BCR: variants seen among roughly 807,000 people sequenced by gnomAD.
BCR encodes the protein BCR activator of RhoGEF and GTPase, also known as breakpoint cluster region protein.
BCR carries 58 observed loss-of-function variants against 138.6 expected under a neutral mutation model. That is an observed-to-expected ratio of 0.42 (90% CI 0.34 to 0.52). The LOEUF is 0.52. Among genes scored for constraint, BCR ranks in the 20% least tolerant of loss-of-function variants. The probability of loss-of-function intolerance (pLI) is 0.06; values close to 1 mark genes in which losing one functional copy is unlikely to be tolerated. For synonymous variants in BCR, 786 were observed against 730.1 expected (o/e 1.08, Z -1.23); for missense variants, 1,599 against 1,727.2 (o/e 0.93, Z 1.32).
intron 14 of BCR, among the ~76,000 whole-genome samples, chr22:23,291,813 A>G (rs2073790635): frequency 6.6e-6 from 1 of 152,044 alleles, no homozygotes; most frequent in Non-Finnish European, 1.5e-5. Context: ...ATTCTCCATC[A>G]GTGAGGCTTC....
chr22:23,252,427 C>CTTTTTTTTTTTTTTTTTTTTTTT (rs371986661), intron 1 of BCR, among the ~76,000 whole-genome samples: 2 of 119,496 alleles, frequency 1.7e-5, no homozygotes, highest in African/African-American at 7.0e-5. Flanking sequence ...TTTTTCTTTT[C>CTTTTTTTTTTTTTTTTTTTTTTT]TTTTCTTTTT....
chr22:23,261,586 A>G, intron 4 of BCR, 46 bp downstream of exon 4: 1 of 1,584,530 alleles, frequency 6.3e-7, no homozygotes, highest in Non-Finnish European at 8.6e-7. Context: ...GTGTACCACC[A>G]CGTCCAGCTA....
At chr22:23,290,790 T>C (rs2073777333) in intron 14 of BCR, 1 of 263,370 alleles carries the variant, frequency 3.8e-6, no homozygotes, top group South Asian at 5.5e-5. Context: ...GCAGAGCAGA[T>C]TTGGCTGCTC....
chr22:23,230,299 C>G (rs952438765), intron 1 of BCR, among the ~76,000 whole-genome samples: 1 of 152,172 alleles, frequency 6.6e-6, no homozygotes, highest in East Asian at 1.9e-4. Flanking sequence ...TCCATCTTGC[C>G]TGGAATTGGA....
At chr22:23,292,053 A>G (rs936827324) in intron 14 of BCR, among the ~76,000 whole-genome samples, 2 of 152,094 alleles carry the variant, frequency 1.3e-5, no homozygotes, top group East Asian at 1.9e-4. Flanking sequence ...CGACTTCTCC[A>G]GCACTGAGCT....
At chr22:23,293,098 C>G (rs1261101784) in intron 15 of BCR, among the ~76,000 whole-genome samples, 1 of 152,048 alleles carries the variant, frequency 6.6e-6, no homozygotes, top group African/African-American at 2.4e-5. Flanking sequence ...GTCGCCGTGC[C>G]TTCCTCCACC....
intron 11 of BCR, 30 bp downstream of exon 11, chr22:23,287,308 C>G (rs1308533067): frequency 1.3e-6 from 2 of 1,505,202 alleles, no homozygotes; most frequent in African/African-American, 2.8e-5. Flanking sequence ...GCCCCTCCTG[C>G]TCTCCTGGCC....
At chr22:23,282,741 GT>G (rs1424882482) in intron 8 of BCR, among the ~76,000 whole-genome samples, 3 of 152,230 alleles carry the variant, frequency 2.0e-5, no homozygotes, top group African/African-American at 7.2e-5. Flanking sequence ...GAGACACTGG[GT>G]TTTCACACTC....
At chr22:23,184,666 T>G (rs1333897796) in intron 1 of BCR, among the ~76,000 whole-genome samples, 1 of 152,184 alleles carries the variant, frequency 6.6e-6, no homozygotes, top group Non-Finnish European at 1.5e-5. Flanking sequence ...GAGTTTACAT[T>G]TGGGTTCACT....
intron 1 of BCR, among the ~76,000 whole-genome samples, chr22:23,248,110 G>A (rs2073176110): frequency 6.6e-6 from 1 of 152,170 alleles, no homozygotes; most frequent in African/African-American, 2.4e-5. Context: ...TTGGGAGACT[G>A]AGGCTGGTGG....
At chr22:23,295,222 A>AGG (rs1412794961) in intron 16 of BCR, 67 bp downstream of exon 16, 1 of 1,561,804 alleles carries the variant, frequency 6.4e-7, no homozygotes, top group Non-Finnish European at 8.7e-7. Flanking sequence ...GCCCCTGGGG[A>AGG]CACTGAGATG....
At chr22:23,194,832 T>C (rs1367204840) in intron 1 of BCR, among the ~76,000 whole-genome samples, 1 of 152,052 alleles carries the variant, frequency 6.6e-6, no homozygotes, top group African/African-American at 2.4e-5. Flanking sequence ...TCTCAGCTCT[T>C]CTGGGGGCTG....
intron 4 of BCR, among the ~76,000 whole-genome samples, chr22:23,267,552 G>A (rs2073457585): frequency 1.3e-5 from 2 of 152,192 alleles, no homozygotes; most frequent in South Asian, 2.1e-4. Context: ...ACCAGGAGCC[G>A]TGAATGCCTT....
At chr22:23,221,754 T>C (rs2072827091) in intron 1 of BCR, among the ~76,000 whole-genome samples, 1 of 152,206 alleles carries the variant, frequency 6.6e-6, no homozygotes, top group Admixed American at 6.5e-5. Flanking sequence ...CCCACTTTTC[T>C]TTGTGGGACA....
chr22:23,204,777 C>T (rs2072593055), intron 1 of BCR, among the ~76,000 whole-genome samples: 1 of 152,192 alleles, frequency 6.6e-6, no homozygotes, highest in Non-Finnish European at 1.5e-5. Context: ...AGAGCGTGGG[C>T]AGCGGGAGGC....
At chr22:23,262,963 G>A in intron 4 of BCR, 1 of 1,027,228 alleles carries the variant, frequency 9.7e-7, no homozygotes. Flanking sequence ...GGGGCGAGAG[G>A]CATCATCAAA....
At chr22:23,183,995 A>G (rs751176144) in intron 1 of BCR, among the ~76,000 whole-genome samples, 1 of 152,224 alleles carries the variant, frequency 6.6e-6, no homozygotes, top group Non-Finnish European at 1.5e-5. Context: ...ACTTGGACCC[A>G]CTTTTAGGAC....
chr22:23,198,249 G>A (rs748634349), intron 1 of BCR: 4 of 445,012 alleles, frequency 9.0e-6, no homozygotes, highest in Non-Finnish European at 1.8e-5. Flanking sequence ...CAGGATTAGG[G>A]TCCGAGTGCT....
intron 4 of BCR, chr22:23,263,370 AC>A (rs2073395320): frequency 1.6e-6 from 2 of 1,230,100 alleles, no homozygotes; most frequent in Middle Eastern, 2.1e-4. Flanking sequence ...CTCCGGCTTC[AC>A]GCGGCTCGGC....
Sources: allele counts gnomAD v4.1 joint callset (sites outside exome capture counted in the v4.1 genomes callset), GRCh38; gene constraint gnomAD v4.1.1; transcripts MANE v1.5; gene names NCBI Gene and HGNC (gene_info 2026-07-23, HGNC 2026-07-21).